The following FAM81A variants were observed in gnomAD, a reference collection of about 807,000 sequenced individuals.
FAM81A encodes the protein protein FAM81A.
FAM81A carries 19 observed loss-of-function variants against 46.7 expected under a neutral mutation model. The observed-to-expected ratio is 0.41, with a 90% CI of 0.28 to 0.60. The LOEUF is 0.60. Ranked by LOEUF, FAM81A falls within the 20% of genes least tolerant of loss-of-function variation. FAM81A has a pLI of 0.34. For synonymous variants in FAM81A, 183 were observed against 152.9 expected (o/e 1.20, Z -1.45); for missense variants, 377 against 453.5 (o/e 0.83, Z 1.53).
At chr15:59,458,488 G>A (rs1243589876) in intron 1 of FAM81A, 62 bp from the exon 2 acceptor site, 32 of 1,157,184 alleles carry the variant, frequency 2.8e-5, no homozygotes, top group Non-Finnish European at 3.7e-5. Flanking sequence ...TTAATAATAA[G>A]CTTTTGAGGT....
At chr15:59,429,516 T>C (rs1312059128) in intron 2 of FAM81A, among the ~76,000 whole-genome samples, 1 of 152,232 alleles carries the variant, frequency 6.6e-6, no homozygotes, top group Non-Finnish European at 1.5e-5. Flanking sequence ...AAAGCTGATA[T>C]CTCCTGTGGA....
chr15:59,444,142 C>T (rs542144598), intron 1 of FAM81A: 52 of 152,362 alleles, frequency 3.4e-4, no homozygotes, highest in African/African-American at 1.2e-3. Context: ...TCCTGCAGCG[C>T]AGGGGCTGTG....
At chr15:59,398,741 G>A (rs35214076) in intron 1 of FAM81A, among the ~76,000 whole-genome samples, 17,732 of 117,882 alleles carry the variant, frequency 0.15, 1,382 homozygotes, top group Middle Eastern at 0.38. Context: ...CTGGGCAACA[G>A]AGTGAGACTC....
intron 1 of FAM81A, among the ~76,000 whole-genome samples, chr15:59,400,566 G>A (rs1042161194): frequency 2.0e-5 from 3 of 152,044 alleles, no homozygotes; most frequent in African/African-American, 7.2e-5. Context: ...GCTAACTGCA[G>A]TCTACACAGC....
intron 2 of FAM81A, among the ~76,000 whole-genome samples, chr15:59,428,669 C>T (rs1317354495): frequency 8.4e-6 from 1 of 118,898 alleles, no homozygotes; most frequent in South Asian, 2.8e-4. Flanking sequence ...CTCACTCTGT[C>T]ACCCAGGGTG....
chr15:59,444,154 C>G (rs1445862489), intron 1 of FAM81A: 1 of 152,216 alleles, frequency 6.6e-6, no homozygotes, highest in Admixed American at 6.5e-5. Flanking sequence ...GGGGCTGTGT[C>G]TTGTTCAGCA....
intron 2 of FAM81A, among the ~76,000 whole-genome samples, chr15:59,412,167 A>G (rs1245967635): frequency 1.3e-5 from 2 of 151,746 alleles, no homozygotes; most frequent in East Asian, 3.9e-4. Context: ...CTGAGTGGGG[A>G]GATTGTGCTA....
intron 3 of FAM81A, among the ~76,000 whole-genome samples, chr15:59,479,516 TAAGA>T (rs2081820270): frequency 6.1e-5 from 1 of 16,408 alleles, no homozygotes; most frequent in African/African-American, 1.9e-4. Flanking sequence ...GTCTCAAAAA[TAAGA>T]AAAAAAAAAA....
intron 6 of FAM81A, among the ~76,000 whole-genome samples, chr15:59,511,865 G>A (rs2082212812): frequency 6.6e-6 from 1 of 151,974 alleles, no homozygotes; most frequent in Admixed American, 6.6e-5. Context: ...TAGCCAGGAT[G>A]GTCTCAATCT....
At chr15:59,401,877 A>C (rs1239268092) in intron 1 of FAM81A, 1 of 762,652 alleles carries the variant, frequency 1.3e-6, no homozygotes, top group African/African-American at 1.7e-5. Flanking sequence ...CTTGAGACCA[A>C]TCATTTTCTT....
intron 2 of FAM81A, among the ~76,000 whole-genome samples, chr15:59,406,752 T>C (rs1433983856): frequency 6.6e-6 from 1 of 152,192 alleles, no homozygotes; most frequent in African/African-American, 2.4e-5. Context: ...TGCACGATCT[T>C]TTACTACAAG....
intron 3 of FAM81A, among the ~76,000 whole-genome samples, chr15:59,470,604 C>G (rs1421878862): frequency 1.3e-5 from 2 of 152,186 alleles, no homozygotes; most frequent in Non-Finnish European, 2.9e-5. Context: ...AGCCATTCAT[C>G]TAATCTTTTT....
chr15:59,435,984 T>C (rs1239087612), upstream of FAM81A, among the ~76,000 whole-genome samples: 1 of 152,136 alleles, frequency 6.6e-6, no homozygotes, highest in East Asian at 1.9e-4. Flanking sequence ...TCAAAACAAA[T>C]CACTTAAGAA....
At chr15:59,488,080 G>A (rs1308476755) in intron 3 of FAM81A, among the ~76,000 whole-genome samples, 1 of 152,210 alleles carries the variant, frequency 6.6e-6, no homozygotes, top group African/African-American at 2.4e-5. Context: ...TCATTAACAA[G>A]TGGGATTCAT....
chr15:59,404,528 A>T (rs1330105135), intron 2 of FAM81A, among the ~76,000 whole-genome samples: 3 of 152,094 alleles, frequency 2.0e-5, no homozygotes, highest in Non-Finnish European at 4.4e-5. Context: ...TGGAGCGACC[A>T]TAGCTCACTG....
Position 59,521,286 on chromosome 15 carries a change from C to G in FAM81A, c.1015C>G (p.Leu339Val), listed in dbSNP as rs17852082. 5 of 1,613,744 alleles carry G rather than the reference C, an allele frequency of 3.1e-6. No homozygotes were observed. Among genetic ancestry groups the G allele is most frequent in the Non-Finnish European group, 3.4e-6 (4 of 1,179,780 alleles). Residue 339 changes from leucine (L) to valine (V), a missense_variant, in exon 9 of 9, where the codon CTC becomes GTC. Transcript: ENST00000288228. ...FTAVYESIGSLRQVLEAKMKL... is the reference protein window; with the variant it reads ...FTAVYESIGSVRQVLEAKMKL... The stretch of plus-strand genomic sequence containing the variant: ...AGCCGTCTATGAAAGCATAGGATCC[C>G]TCAGGCAAGTTCTCGAGGCCAAGAT...
chr15:59,402,130 T>C (rs2081073862), intron 1 of FAM81A: 1 of 346,556 alleles, frequency 2.9e-6, no homozygotes, highest in Admixed American at 4.6e-5. Context: ...ATATTAACTT[T>C]GCTATTGCTT....
chr15:59,458,717 G>T, intron 2 of FAM81A, 71 bp downstream of exon 2: 1 of 1,425,284 alleles, frequency 7.0e-7, no homozygotes, highest in Non-Finnish European at 9.9e-7. Flanking sequence ...CAAAGCTTGG[G>T]CTGTTACATT....
At chr15:59,428,789 C>A (rs1170543863) in intron 2 of FAM81A, among the ~76,000 whole-genome samples, 2 of 152,018 alleles carry the variant, frequency 1.3e-5, no homozygotes, top group Non-Finnish European at 2.9e-5. Flanking sequence ...GGCCACCATG[C>A]CAAGCTAATT....
Sources: gnomAD v4.1 joint callset for allele counts (sites outside exome capture counted in the v4.1 genomes callset) on GRCh38, gnomAD v4.1.1 for gene constraint, MANE v1.5 for transcripts, NCBI Gene and HGNC (gene_info 2026-07-23, HGNC 2026-07-21) for gene names.